Variants in ZMYM2 observed in about 807,000 individuals in gnomAD.
ZMYM2 encodes the protein zinc finger MYM-type containing 2, also known as zinc finger MYM-type protein 2.
In ZMYM2, 56 loss-of-function variants were observed where a neutral mutation model predicts 162.8. That is an observed-to-expected ratio of 0.34 (90% CI 0.28 to 0.43). The LOEUF (loss-of-function observed/expected upper bound fraction) is 0.43, where lower values mean the gene tolerates loss of function less well. ZMYM2 is among the 20% of genes least tolerant of loss of function. The pLI is 1.00. For synonymous variants in ZMYM2, 510 were observed against 541.6 expected, an observed-to-expected ratio of 0.94 and a Z score of 0.81; for missense variants, 1,275 against 1,621.8, an observed-to-expected ratio of 0.79 and a Z score of 3.67.
At chr13:19,908,211 C>G in the ZMYM2 span, among the ~76,000 whole-genome samples, 4 of 151,990 alleles carry the variant, frequency 2.6e-5, no homozygotes, top group Non-Finnish European at 4.4e-5. Flanking sequence ...TCTCTTGAAC[C>G]CAGGAAGCGG....
chr13:19,947,339 C>G, the ZMYM2 span, among the ~76,000 whole-genome samples: 1 of 151,892 alleles, frequency 6.6e-6, no homozygotes, highest in Non-Finnish European at 1.5e-5. Context: ...GGATTACAGG[C>G]GTGAGCCACC....
At chr13:20,050,183 ATC>A (rs1312796148) in intron 12 of ZMYM2, among the ~76,000 whole-genome samples, 1 of 151,950 alleles carries the variant, frequency 6.6e-6, no homozygotes, top group Admixed American at 6.6e-5. Context: ...TATACTATAA[ATC>A]TTCATTTAAC....
chr13:19,883,632 CTTTTT>C, the ZMYM2 span, among the ~76,000 whole-genome samples: 1 of 152,060 alleles, frequency 6.6e-6, no homozygotes, highest in Admixed American at 6.6e-5. Flanking sequence ...AAAATCTTTC[CTTTTT>C]GTCTTTTCAA....
Position 20,087,612 on chromosome 13 carries a change from T to A in ZMYM2, c.*1598T>A, listed in dbSNP as rs1958347366. 5.4e-6 allele frequency: 1 copy of A among 184,864 alleles called. No individual in the cohort carries two copies. Among genetic ancestry groups the A allele is most frequent in the Non-Finnish European group, 1.1e-5 (1 of 87,174 alleles). The allele number at this position is 184,864 out of a possible 1,614,324, so 11.5% of individuals were successfully genotyped here. ...ATTTTCTCAATTCTGATTTGGAAAA[T>A]TTCACAGGTGTCATTATTGTATATC... On this transcript the variant is annotated 3_prime_UTR_variant, in exon 25 of 25. Transcript: ENST00000610343.
chr13:20,000,586 A>G (rs947898205), intron 3 of ZMYM2, among the ~76,000 whole-genome samples: 1 of 152,226 alleles, frequency 6.6e-6, no homozygotes, highest in Admixed American at 6.5e-5. Context: ...CAAAGCCCCG[A>G]TGACAGCATG....
Position 20,010,684 on chromosome 13 carries a change from A to G in ZMYM2, c.1512+4098A>G, listed in dbSNP as rs1046981195. ...GAGATGGAGTCTCCCTCTGTTGCCC[A>G]GGCTGGAGTGCAGCAGCGAGATCTT... is the stretch of plus-strand genomic sequence containing the variant. On this transcript the variant is annotated intron_variant, in intron 6 of 24. Transcript: ENST00000610343. Among the ~76,000 whole-genome samples the G allele has an allele frequency of 2.6e-5, 4 of 152,140 alleles. 1 individual carries two copies. The highest frequency in any genetic ancestry group is 9.6e-5 in the African/African-American group (4 of 41,476).
chr13:19,947,185 T>C, the ZMYM2 span, among the ~76,000 whole-genome samples: 235 of 151,952 alleles, frequency 1.5e-3, no homozygotes, highest in Middle Eastern at 3.4e-3. Flanking sequence ...CTCAGCCTCC[T>C]GAGTAGCTGG....
chr13:20,009,702 T>C (rs1191249883), intron 6 of ZMYM2, among the ~76,000 whole-genome samples: 2 of 152,242 alleles, frequency 1.3e-5, no homozygotes, highest in African/African-American at 4.8e-5. Flanking sequence ...AGCTGAAACA[T>C]AATGCTTTCA....
chr13:20,042,992 G>A (rs1450044952), intron 12 of ZMYM2, among the ~76,000 whole-genome samples: 2 of 152,026 alleles, frequency 1.3e-5, no homozygotes, highest in African/African-American at 4.8e-5. Flanking sequence ...CCAAAGTGCT[G>A]GAATTACAGA....
chr13:20,024,231 C>T (rs969580055), intron 7 of ZMYM2, among the ~76,000 whole-genome samples: 2 of 152,124 alleles, frequency 1.3e-5, no homozygotes, highest in Non-Finnish European at 2.9e-5. Context: ...CTGCACCCGG[C>T]CTTCATTCTC....
chr13:19,955,750 T>C (rs969082938), upstream of ZMYM2, among the ~76,000 whole-genome samples: 4 of 152,150 alleles, frequency 2.6e-5, no homozygotes, highest in African/African-American at 9.7e-5. Context: ...GCCTCCTGAG[T>C]AGCTGGTACT....
intron 3 of ZMYM2, among the ~76,000 whole-genome samples, chr13:19,995,677 C>A (rs1254371588): frequency 6.6e-6 from 1 of 151,668 alleles, no homozygotes; most frequent in Non-Finnish European, 1.5e-5. Context: ...CTGTACCCAG[C>A]CCCCCACCTT....
chr13:19,873,396 ATTT>A, the ZMYM2 span, among the ~76,000 whole-genome samples: 2 of 148,942 alleles, frequency 1.3e-5, no homozygotes, highest in Middle Eastern at 6.9e-3. Context: ...TTATTTATTT[ATTT>A]ATTTATTTAT....
At chr13:19,980,004 A>G (rs1164557310) in intron 2 of ZMYM2, among the ~76,000 whole-genome samples, 1 of 151,912 alleles carries the variant, frequency 6.6e-6, no homozygotes, top group Non-Finnish European at 1.5e-5. Context: ...AAAATTTGTT[A>G]TTTCATCTGT....
At chr13:20,012,594 A>G (rs1951297031) in intron 6 of ZMYM2, among the ~76,000 whole-genome samples, 1 of 152,062 alleles carries the variant, frequency 6.6e-6, no homozygotes, top group Non-Finnish European at 1.5e-5. Flanking sequence ...TTCCTCTAAG[A>G]GTTGTATGAG....
chr13:19,930,561 G>A, the ZMYM2 span, among the ~76,000 whole-genome samples: 2 of 151,064 alleles, frequency 1.3e-5, no homozygotes, highest in Admixed American at 6.6e-5. Context: ...GTTTTGAGAT[G>A]GAGTCTCACT....
upstream of ZMYM2, among the ~76,000 whole-genome samples, chr13:19,958,518 AG>A (rs1954725177): frequency 6.6e-6 from 1 of 151,586 alleles, no homozygotes; most frequent in African/African-American, 2.4e-5. Flanking sequence ...GGGCCGGCGG[AG>A]GCGGGAGTGG....
chr13:20,019,118 A>G (rs528742175), intron 6 of ZMYM2, among the ~76,000 whole-genome samples: 56 of 147,644 alleles, frequency 3.8e-4, no homozygotes, highest in African/African-American at 1.3e-3. Context: ...AAAAAAAACA[A>G]TTTCTCAATC....
chr13:19,879,625 G>T, the ZMYM2 span, among the ~76,000 whole-genome samples: 1 of 152,158 alleles, frequency 6.6e-6, no homozygotes, highest in African/African-American at 2.4e-5. Context: ...TGGCTATTCA[G>T]CATCCCTTGA....
Sources: allele counts gnomAD v4.1 joint callset (sites outside exome capture counted in the v4.1 genomes callset), GRCh38; gene constraint gnomAD v4.1.1; transcripts MANE v1.5; gene names NCBI Gene and HGNC (gene_info 2026-07-23, HGNC 2026-07-21).